Variants in SYNRG observed in about 807,000 individuals in gnomAD.
SYNRG encodes the protein AP1 gamma subunit binding protein 1.
SYNRG carries 37 observed loss-of-function variants against 130.9 expected under a neutral mutation model. The ratio of observed to expected loss-of-function variants is 0.28; its 90% CI spans 0.22 to 0.37. The LOEUF (loss-of-function observed/expected upper bound fraction) is 0.37. SYNRG is among the 10% of genes least tolerant of loss of function. SYNRG has a pLI of 1.00. For missense variants in SYNRG, 1,338 were observed against 1,588.9 expected (o/e 0.84, Z 2.68); for synonymous variants, 539 against 568.1 (o/e 0.95, Z 0.73).
intron 13 of SYNRG, among the ~76,000 whole-genome samples, chr17:37,557,750 A>G (rs1305880835): frequency 6.6e-6 from 1 of 152,002 alleles, no homozygotes. Context: ...CTTGGGACGG[A>G]GGCTGAGGCT....
At position 37,517,931 on chromosome 17, in the gene SYNRG, G is replaced by A. The variant is rs2054550926; in HGVS notation, c.*1009C>T. The A allele has an allele frequency of 6.6e-6, 1 of 152,092 alleles. No homozygotes were observed. Among genetic ancestry groups the A allele is most frequent in the Admixed American group, 6.5e-5 (1 of 15,276 alleles). 9.4% of individuals were successfully genotyped at this position (152,092 alleles called of 1,614,324 possible). On this transcript the variant is annotated 3_prime_UTR_variant, in exon 22 of 22. Coordinates refer to ENST00000612223, the MANE Select transcript of SYNRG (RefSeq NM_007247.6). ...TATCTAAAATTCAGTACTGTTTCTG[G>A]ACAATTTTCTTCTACTTCTTCTAAG... is the stretch of plus-strand genomic sequence containing the variant.
At chr17:37,525,834 C>T (rs868319319) in intron 19 of SYNRG, among the ~76,000 whole-genome samples, 10 of 152,148 alleles carry the variant, frequency 6.6e-5, no homozygotes, top group Admixed American at 5.9e-4. Flanking sequence ...GGTGTGGTGG[C>T]GCTTGCCTGT....
At chr17:37,533,316 G>A (rs915441675) in intron 19 of SYNRG, among the ~76,000 whole-genome samples, 24 of 151,688 alleles carry the variant, frequency 1.6e-4, no homozygotes, top group African/African-American at 5.1e-4. Flanking sequence ...CGTGAGAATC[G>A]CTTGAACCCA....
At chr17:37,540,626 T>G in intron 15 of SYNRG, 83 bp from the exon 16 acceptor site, 7 of 793,862 alleles carry the variant, frequency 8.8e-6, no homozygotes, top group Non-Finnish European at 1.3e-5. Flanking sequence ...ACCACAACCC[T>G]CTTCTTTTTT....
In SYNRG at chr17:37,577,596, T is replaced by C. The variant is rs771932548; in HGVS notation, c.607A>G (p.Lys203Glu). The change falls in exon 7 of 22, where the codon AAG (lysine) becomes GAG (glutamate). Residue 203 changes from lysine to glutamate, a missense_variant. Lys to Glu is a moderately conservative substitution (Grantham distance 56). Around this residue, in one of 3 missense-constraint regions of SYNRG, gnomAD observed 1,146 missense variants for 1,342.3 expected, o/e 0.85. Transcript: ENST00000612223. ...CTTATATCACAAGATACTAGGAACTTCTCCTCCAAGGAAGGGCCTAAACAA... is the reference window on the plus strand; with the variant it reads ...CTTATATCACAAGATACTAGGAACTCCTCCTCCAAGGAAGGGCCTAAACAA... Reference protein sequence around the residue: ...PKKPGPSLEEKFLVSCDISTS... With the variant: ...PKKPGPSLEEEFLVSCDISTS... 14 of 1,613,966 alleles carry C rather than the reference T, an allele frequency of 8.7e-6. No homozygotes were observed. In the Admixed American group the frequency reaches 1.3e-4, roughly 15 times the overall value.
intron 6 of SYNRG, among the ~76,000 whole-genome samples, chr17:37,581,898 G>A (rs1231603362): frequency 6.6e-6 from 1 of 151,784 alleles, no homozygotes; most frequent in Non-Finnish European, 1.5e-5. Flanking sequence ...CTGAATGGCT[G>A]GGATTACAGG....
chr17:37,584,283 CAG>C (rs1166593015), intron 6 of SYNRG: 1 of 168,512 alleles, frequency 5.9e-6, no homozygotes, highest in East Asian at 1.6e-4. Flanking sequence ...GTAATGAAAT[CAG>C]AGCTAGTTCA....
chr17:37,540,305 T>C lies in SYNRG; in HGVS notation c.3366+75A>G, dbSNP rs1235060300. 3.9e-6 allele frequency: 6 copies of C among 1,537,764 alleles called. No homozygotes were observed. In the African/African-American group the frequency reaches 6.9e-5, roughly 18 times the overall value. ...CCCCTCATTTTCCCCATGTGAAAGC[T>C]GACAGCATTCTTTCTTGGGGCCCTG... On this transcript the variant is annotated intron_variant, in intron 16 of 21. Transcript: ENST00000612223.
At chr17:37,542,684 T>A (rs1001332752) in intron 14 of SYNRG, 119 bp from the exon 15 acceptor site, 43 of 734,350 alleles carry the variant, frequency 5.9e-5, no homozygotes, top group East Asian at 3.5e-4. Context: ...TGAAATTAGC[T>A]AAATTTAGAG....
chr17:37,565,768 C>A (rs1414575770), intron 11 of SYNRG, among the ~76,000 whole-genome samples: 1 of 149,468 alleles, frequency 6.7e-6, no homozygotes, highest in Non-Finnish European at 1.5e-5. Flanking sequence ...CGTCTCTGCC[C>A]GGCCGCCCCG....
chr17:37,599,887 G>A (rs1283106157), intron 2 of SYNRG, among the ~76,000 whole-genome samples: 1 of 152,090 alleles, frequency 6.6e-6, no homozygotes, highest in Non-Finnish European at 1.5e-5. Context: ...AACTAAAGAT[G>A]TTTGTTTATT....
chr17:37,553,178 G>A lies in SYNRG; in HGVS notation c.2545C>T (p.His849Tyr), dbSNP rs145167831. ...TCCAAAGAGCTATCAGACATGACATGCTTAAGATCTCCTCCCACATCAGCC... is the reference window on the plus strand; with the variant it reads ...TCCAAAGAGCTATCAGACATGACATACTTAAGATCTCCTCCCACATCAGCC... The part of the protein sequence containing the change: ...KLADVGGDLK[H>Y]VMSDSSLDLP... The change falls in exon 14 of 22, where the codon CAT becomes TAT. Residue 849 changes from histidine to tyrosine, a missense_variant. This residue lies in a region of SYNRG where 1,146 missense variants were observed against 1,342.3 expected (regional missense o/e 0.85). Coordinates refer to ENST00000612223, the MANE Select transcript of SYNRG (RefSeq NM_007247.6). 9.3e-6 allele frequency: 15 copies of A among 1,614,072 alleles called. No homozygotes were observed. In the African/African-American group the frequency reaches 1.7e-4, roughly 19 times the overall value.
Position 37,536,012 on chromosome 17 carries a change from G to A in SYNRG, c.3633C>T (p.Asn1211=), listed in dbSNP as rs778838483. The part of the protein sequence containing the change: ...LLKDIDKVWN[N]LIGFMSLATL... ...TGGCGAGTGACATGAAGCCGATTAG[G>A]TTATTCCATACTTTATCGATGTCCT... The change falls in exon 19 of 22, where the codon AAC becomes AAT. Residue 1211 remains asparagine (N), a synonymous_variant. Coordinates refer to ENST00000612223, the MANE Select transcript of SYNRG (RefSeq NM_007247.6). 13 of 1,613,968 alleles carry A rather than the reference G, an allele frequency of 8.1e-6. 1 individual carries two copies. The highest frequency in any genetic ancestry group is 3.3e-5 in the South Asian group (3 of 91,076).
intron 1 of SYNRG, among the ~76,000 whole-genome samples, chr17:37,602,318 C>T (rs541550164): frequency 6.9e-6 from 1 of 145,530 alleles, no homozygotes; most frequent in Non-Finnish European, 1.5e-5. Flanking sequence ...GCCTGGGCAA[C>T]AAGAGTGAAA....
At chr17:37,519,983 A>G (rs2054788664) in intron 21 of SYNRG, among the ~76,000 whole-genome samples, 196 bp downstream of exon 21, 1 of 152,186 alleles carries the variant, frequency 6.6e-6, no homozygotes, top group African/African-American at 2.4e-5. Context: ...ATGTGAAACA[A>G]GCATGCAAAT....
intron 14 of SYNRG, among the ~76,000 whole-genome samples, chr17:37,552,098 A>G (rs1156999534): frequency 6.6e-6 from 1 of 152,196 alleles, no homozygotes; most frequent in Middle Eastern, 3.2e-3. Context: ...GACATATGCA[A>G]AAGCTATAGG....
intron 19 of SYNRG, among the ~76,000 whole-genome samples, chr17:37,533,269 C>T (rs1201184684): frequency 6.6e-6 from 1 of 151,950 alleles, no homozygotes; most frequent in African/African-American, 2.4e-5. Flanking sequence ...GGCGTGGTGG[C>T]GCATGCCTGT....
At chr17:37,529,406 A>G (rs931739747) in intron 19 of SYNRG, among the ~76,000 whole-genome samples, 1 of 152,134 alleles carries the variant, frequency 6.6e-6, no homozygotes, top group Non-Finnish European at 1.5e-5. Context: ...GTGCATAAGA[A>G]AACTTCTGGA....
intron 9 of SYNRG, 96 bp downstream of exon 9, chr17:37,571,695 T>C: frequency 9.2e-7 from 1 of 1,092,306 alleles, no homozygotes. Context: ...TAAATTTTAA[T>C]GTACAAGGAG....
Sources: allele counts gnomAD v4.1 joint callset (sites outside exome capture counted in the v4.1 genomes callset), GRCh38; gene constraint gnomAD v4.1.1; regional missense constraint gnomAD v4.1.1; transcripts MANE v1.5; gene names NCBI Gene and HGNC (gene_info 2026-07-23, HGNC 2026-07-21).